The following GULP1 variants were observed in gnomAD, a reference collection of about 807,000 sequenced individuals.
The protein encoded by GULP1 is PTB domain-containing engulfment adapter protein 1.
Under a neutral mutation model 40.9 loss-of-function variants are expected in GULP1, and 19 were observed. The ratio of observed to expected loss-of-function variants is 0.46; its 90% CI spans 0.32 to 0.68. The LOEUF (loss-of-function observed/expected upper bound fraction) is 0.68, where lower values mean the gene tolerates loss of function less well. GULP1 is among the 30% of genes least tolerant of loss of function. The pLI is 0.03. For missense variants in GULP1, 312 were observed against 362.2 expected (o/e 0.86, Z 1.12); for synonymous variants, 119 against 117.6 (o/e 1.01, Z -0.08).
At chr2:188,445,862 G>A (rs571429278) in intron 2 of GULP1, among the ~76,000 whole-genome samples, 12 of 152,286 alleles carry the variant, frequency 7.9e-5, no homozygotes, top group African/African-American at 2.9e-4. Context: ...GATGGTTGGG[G>A]AAAGGTAGTA....
At chr2:188,370,053 CCA>C (rs1186677726) in intron 1 of GULP1, among the ~76,000 whole-genome samples, 1 of 152,024 alleles carries the variant, frequency 6.6e-6, no homozygotes, top group Non-Finnish European at 1.5e-5. Flanking sequence ...GCTTTGTTGC[CCA>C]AGCTGCTGTT....
At chr2:188,303,890 A>G (rs2036577973) in intron 1 of GULP1, among the ~76,000 whole-genome samples, 1 of 152,114 alleles carries the variant, frequency 6.6e-6, no homozygotes, top group Non-Finnish European at 1.5e-5. Context: ...GGCAAGGGAG[A>G]CCAGAGAATA....
Position 188,587,925 on chromosome 2 carries a change from T to A in GULP1, c.819T>A (p.Ile273=), listed in dbSNP as rs1325389280. ...NCGAADFPPD[I]QSKLDEMQEG... ...GAGCAGCAGATTTCCCTCCAGATAT[T>A]CAATCAAAATTAGATGAGATGCAGG... The change falls in exon 11 of 12, where the codon ATT becomes ATA. Residue 273 remains isoleucine (I), a synonymous_variant. Coordinates refer to ENST00000409830, the MANE Select transcript of GULP1 (RefSeq NM_016315.4). 6.3e-7 allele frequency: 1 copy of A among 1,598,600 alleles called. No homozygotes were observed. Among genetic ancestry groups the A allele is most frequent in the Non-Finnish European group, 8.6e-7 (1 of 1,165,994 alleles).
intron 2 of GULP1, among the ~76,000 whole-genome samples, chr2:188,453,025 C>G (rs2058961348): frequency 6.6e-6 from 1 of 151,634 alleles, no homozygotes; most frequent in African/African-American, 2.4e-5. Context: ...ACTATGTTGC[C>G]CAGGCTGGTC....
intron 2 of GULP1, among the ~76,000 whole-genome samples, chr2:188,459,317 G>A (rs542660708): frequency 1.3e-5 from 2 of 152,242 alleles, no homozygotes; most frequent in African/African-American, 4.8e-5. Context: ...CACCAACAGT[G>A]TATGAGGATT....
chr2:188,329,043 T>C (rs2041173492), intron 1 of GULP1, among the ~76,000 whole-genome samples: 1 of 152,140 alleles, frequency 6.6e-6, no homozygotes, highest in Admixed American at 6.6e-5. Context: ...ATTCTCACTG[T>C]ATTTATTCTC....
intron 2 of GULP1, among the ~76,000 whole-genome samples, chr2:188,429,909 C>T (rs898486272): frequency 6.6e-6 from 1 of 151,952 alleles, no homozygotes; most frequent in Admixed American, 6.6e-5. Context: ...CGGGGTTTCA[C>T]CGTGTTAGCC....
intron 4 of GULP1, among the ~76,000 whole-genome samples, chr2:188,507,548 C>T (rs2064056983): frequency 6.6e-6 from 1 of 151,844 alleles, no homozygotes; most frequent in Admixed American, 6.6e-5. Flanking sequence ...CTTGCCCATA[C>T]TTCACTTATT....
chr2:188,331,389 C>G (rs2041556242), intron 1 of GULP1, among the ~76,000 whole-genome samples: 1 of 152,120 alleles, frequency 6.6e-6, no homozygotes, highest in South Asian at 2.1e-4. Context: ...AAATATCTTT[C>G]AAACCCCTAC....
At chr2:188,411,117 G>A (rs558222326) in intron 2 of GULP1, among the ~76,000 whole-genome samples, 1 of 152,180 alleles carries the variant, frequency 6.6e-6, no homozygotes, top group East Asian at 1.9e-4. Flanking sequence ...AGCTTCACTG[G>A]CTGATCGGGG....
At chr2:188,365,366 T>C (rs192827182) in intron 1 of GULP1, among the ~76,000 whole-genome samples, 93 of 152,328 alleles carry the variant, frequency 6.1e-4, no homozygotes, top group African/African-American at 2.1e-3. Flanking sequence ...GCTTTTGTAG[T>C]GATAGACTAG....
At chr2:188,330,125 A>G (rs2152036646) in intron 1 of GULP1, among the ~76,000 whole-genome samples, 1 of 152,256 alleles carries the variant, frequency 6.6e-6, no homozygotes, top group Admixed American at 6.5e-5. Context: ...TTCTCAAATT[A>G]TTTAGTTGGA....
chr2:188,563,556 C>CT (rs964887710), intron 7 of GULP1, among the ~76,000 whole-genome samples: 3 of 148,886 alleles, frequency 2.0e-5, no homozygotes, highest in East Asian at 2.0e-4. Flanking sequence ...TTTTTTTTAT[C>CT]TTTTTTTTAT....
intron 1 of GULP1, among the ~76,000 whole-genome samples, chr2:188,335,202 T>G (rs1172803397): frequency 6.6e-6 from 1 of 152,212 alleles, no homozygotes; most frequent in Non-Finnish European, 1.5e-5. Flanking sequence ...AAGAGTTTAT[T>G]TCTCTTTTCT....
intron 1 of GULP1, among the ~76,000 whole-genome samples, chr2:188,348,179 G>A (rs1436144523): frequency 6.6e-6 from 1 of 152,102 alleles, no homozygotes. Flanking sequence ...GATATAATAG[G>A]AGATATATTA....
intron 2 of GULP1, among the ~76,000 whole-genome samples, chr2:188,391,154 C>G (rs1425501264): frequency 1.3e-5 from 2 of 151,532 alleles, no homozygotes; most frequent in Non-Finnish European, 2.9e-5. Flanking sequence ...AATGATGTTG[C>G]TATTTTGATG....
chr2:188,543,129 G>A (rs1019390519), intron 7 of GULP1, among the ~76,000 whole-genome samples: 3 of 151,742 alleles, frequency 2.0e-5, no homozygotes, highest in African/African-American at 7.3e-5. Flanking sequence ...TGTTCTCCTT[G>A]GATATAGCGT....
At chr2:188,514,082 T>TGTGTGCGC (rs766246317) in intron 4 of GULP1, among the ~76,000 whole-genome samples, 48 of 149,354 alleles carry the variant, frequency 3.2e-4, no homozygotes, top group African/African-American at 4.7e-4. Context: ...TGTGTGTGTG[T>TGTGTGCGC]GCGCCCTGCC....
At chr2:188,327,568 T>C (rs1478986384) in intron 1 of GULP1, among the ~76,000 whole-genome samples, 1 of 152,146 alleles carries the variant, frequency 6.6e-6, no homozygotes, top group Non-Finnish European at 1.5e-5. Context: ...TTTCAGGCTG[T>C]GTCCAAGACC....
Sources: allele counts gnomAD v4.1 joint callset (sites outside exome capture counted in the v4.1 genomes callset), GRCh38; gene constraint gnomAD v4.1.1; transcripts MANE v1.5; gene names NCBI Gene and HGNC (gene_info 2026-07-23, HGNC 2026-07-21).